Variants in USP42 observed in about 807,000 individuals in gnomAD.
USP42 encodes ubiquitin specific peptidase 42, also known as ubiquitin carboxyl-terminal hydrolase 42.
In USP42, 23 loss-of-function variants were observed where a neutral mutation model predicts 113.0. The ratio of observed to expected loss-of-function variants is 0.20; its 90% confidence interval spans 0.15 to 0.29. The LOEUF (loss-of-function observed/expected upper bound fraction) is 0.29, where lower values mean the gene tolerates loss of function less well. Ranked by LOEUF, USP42 falls within the 10% of genes least tolerant of loss-of-function variation. The pLI is 1.00. For synonymous variants in USP42, 933 were observed against 699.0 expected (o/e 1.33, Z -5.28); for missense variants, 2,174 against 1,779.8 (o/e 1.22, Z -3.99).
Position 6,114,656 on chromosome 7 carries a change from G to GTA in USP42, c.242-645_242-644dup, listed in dbSNP as rs71008362. 4.4e-3 allele frequency among the ~76,000 whole-genome samples: 268 copies of GTA among 60,576 alleles called. 6 individuals are homozygous for GTA. The highest frequency in any genetic ancestry group is 0.029 in the Middle Eastern group (2 of 70). The allele number at this position is 60,576 out of a possible 152,430, so 39.7% of individuals were successfully genotyped here. A position where few individuals can be genotyped will look rare whatever the true frequency, so the allele number is the denominator to read the frequency against. ...TGTGTGTATATATGTATGTGTGTGT[G>GTA]TATATATATATATATATATATATTT... On this transcript the variant is annotated intron_variant, in intron 2 of 17. Coordinates refer to ENST00000306177, the MANE Select transcript of USP42 (RefSeq NM_032172.3).
intron 17 of USP42, among the ~76,000 whole-genome samples, chr7:6,160,293 CTGAG>C (rs1330918891): frequency 1.3e-5 from 2 of 152,204 alleles, no homozygotes; most frequent in African/African-American, 2.4e-5. Context: ...GCTAAACTTC[CTGAG>C]TGAGGGGCTG....
chr7:6,105,085 G>T (rs1017752913), intron 1 of USP42, 53 bp downstream of exon 1: 4 of 147,424 alleles, frequency 2.7e-5, no homozygotes, highest in African/African-American at 7.4e-5. Context: ...GGCCCGCGCA[G>T]CGGCCCGCTC....
chr7:6,130,163 G>A (rs1562823703), intron 3 of USP42, among the ~76,000 whole-genome samples: 1 of 152,078 alleles, frequency 6.6e-6, no homozygotes, highest in South Asian at 2.1e-4. Flanking sequence ...GGATATTTTG[G>A]TGTTATCTTA....
chr7:6,153,856 G>C lies in USP42; in HGVS notation c.2302G>C (p.Gly768Arg). 1 of 1,551,454 alleles carries C rather than the reference G, an allele frequency of 6.4e-7. No homozygotes were observed. Among genetic ancestry groups the C allele is most frequent in the Non-Finnish European group, 8.7e-7 (1 of 1,148,896 alleles). The change falls in exon 15 of 18, where the codon GGC becomes CGC. Residue 768 changes from glycine to arginine, a missense_variant. By Grantham distance (125) the Gly-to-Arg change is moderately radical. Transcript: ENST00000306177. ...CCTGGAGGAGCCAGATGCGGCCGCC[G>C]GCCTCAGCAGCACCAAGAAGGCTCC... is the stretch of plus-strand genomic sequence containing the variant. ...ESLEEPDAAA[G>R]LSSTKKAPPP...
the USP42 span, among the ~76,000 whole-genome samples, chr7:6,091,576 C>T: frequency 6.7e-6 from 1 of 150,174 alleles, no homozygotes; most frequent in Admixed American, 6.6e-5. Context: ...AATTGGGTTT[C>T]TATTGATTAT....
chr7:6,100,491 G>A (rs775409280), upstream of USP42, among the ~76,000 whole-genome samples: 4 of 150,220 alleles, frequency 2.7e-5, no homozygotes, highest in South Asian at 4.2e-4. Context: ...AACCATGCCC[G>A]GCTAATTTTT....
At chr7:6,135,297 G>C (rs1045867180) in intron 3 of USP42, among the ~76,000 whole-genome samples, 4 of 152,136 alleles carry the variant, frequency 2.6e-5, no homozygotes, top group African/African-American at 9.7e-5. Flanking sequence ...AACTCTCTGA[G>C]CTTTTTTCCT....
chr7:6,155,968 G>A (rs942614840), intron 15 of USP42, among the ~76,000 whole-genome samples: 3 of 152,090 alleles, frequency 2.0e-5, no homozygotes, highest in Non-Finnish European at 4.4e-5. Context: ...TGCCGCGCAC[G>A]CTGTTCTCAA....
chr7:6,143,309 G>A (rs1415875111), intron 8 of USP42, among the ~76,000 whole-genome samples: 11 of 152,306 alleles, frequency 7.2e-5, no homozygotes, highest in South Asian at 4.1e-4. Context: ...TGCTTCAGGT[G>A]TGGCTGGGCA....
At chr7:6,097,097 G>A in the USP42 span, among the ~76,000 whole-genome samples, 9 of 150,870 alleles carry the variant, frequency 6.0e-5, no homozygotes, top group South Asian at 1.9e-3. Context: ...GTAGAGACGG[G>A]CTGCTATCAT....
the USP42 span, chr7:6,084,702 C>G: frequency 6.6e-6 from 1 of 151,166 alleles, no homozygotes; most frequent in Non-Finnish European, 1.5e-5. Context: ...ACACTCCTCA[C>G]CTGATATCGC....
intron 4 of USP42, among the ~76,000 whole-genome samples, chr7:6,137,846 A>G (rs1030923030): frequency 1.3e-5 from 2 of 151,274 alleles, no homozygotes; most frequent in Non-Finnish European, 2.9e-5. Flanking sequence ...ACCCCTGGCT[A>G]ATTTTTGTAT....
the USP42 span, chr7:6,081,546 C>G: frequency 3.3e-5 from 5 of 152,328 alleles, no homozygotes; most frequent in Non-Finnish European, 5.9e-5. Flanking sequence ...CACCCACGCG[C>G]GCGCCGCAGT....
chr7:6,095,533 G>T, the USP42 span, among the ~76,000 whole-genome samples: 1 of 151,048 alleles, frequency 6.6e-6, no homozygotes, highest in African/African-American at 2.5e-5. Flanking sequence ...GCTGGGCGTG[G>T]TGGCAGGCAC....
At chr7:6,087,878 C>G in the USP42 span, among the ~76,000 whole-genome samples, 1 of 151,264 alleles carries the variant, frequency 6.6e-6, no homozygotes, top group Non-Finnish European at 1.5e-5. Flanking sequence ...AACCTCTAAT[C>G]TGTAAAATGG....
At chr7:6,143,357 T>C (rs1487826133) in intron 8 of USP42, among the ~76,000 whole-genome samples, 1 of 152,154 alleles carries the variant, frequency 6.6e-6, no homozygotes, top group Non-Finnish European at 1.5e-5. Context: ...TTGACTTTCT[T>C]ATGATAAGAG....
At chr7:6,099,211 CTTTTTTTT>C in the USP42 span, among the ~76,000 whole-genome samples, 2 of 98,802 alleles carry the variant, frequency 2.0e-5, 1 homozygote. Flanking sequence ...TGTTCCCTCT[CTTTTTTTT>C]TTTTTTTTTT....
At chr7:6,116,567 G>T in intron 3 of USP42, 1 of 306,614 alleles carries the variant, frequency 3.3e-6, no homozygotes, top group Non-Finnish European at 6.2e-6. Flanking sequence ...AAAAATCCTT[G>T]GTTTCTTTTT....
In USP42 at chr7:6,139,807, C is replaced by T; in HGVS notation, c.657-321C>T. ...TCTCTGCCTTTTCCGCCTCCGCTCC[C>T]TTTCCTCCCACACAGGCCGCAGTGC... On this transcript the variant is annotated intron_variant, in intron 5 of 17. Coordinates refer to ENST00000306177, the MANE Select transcript of USP42 (RefSeq NM_032172.3). This position sits in a 1 kb window ranked among gnomAD's most constrained non-coding sequence, Gnocchi z 4.5. 2.4e-6 allele frequency: 1 copy of T among 423,386 alleles called. No homozygotes were observed. 26.2% of individuals were successfully genotyped at this position (423,386 alleles called of 1,614,324 possible).
Sources: allele counts gnomAD v4.1 joint callset (sites outside exome capture counted in the v4.1 genomes callset), GRCh38; gene constraint gnomAD v4.1.1; non-coding constraint Gnocchi (gnomAD v3.1); transcripts MANE v1.5; gene names NCBI Gene and HGNC (gene_info 2026-07-23, HGNC 2026-07-21).